ZIM2: variants seen among roughly 807,000 people sequenced by gnomAD.
ZIM2 encodes the protein zinc finger imprinted 2.
Under a neutral mutation model 38.6 loss-of-function variants are expected in ZIM2, and 14 were observed. That is an observed-to-expected ratio of 0.36 (90% CI 0.24 to 0.57). The LOEUF (loss-of-function observed/expected upper bound fraction) is 0.57, where lower values mean the gene tolerates loss of function less well. ZIM2 is among the 20% of genes least tolerant of loss of function. ZIM2 has a pLI of 0.81. For missense variants in ZIM2, 680 were observed against 695.1 expected (o/e 0.98, Z 0.24); for synonymous variants, 247 against 245.8 (o/e 1.00, Z -0.04).
rs555345667 is a variant in ZIM2, at chr19:56,797,060, C to T, written c.491-7109G>A. On this transcript the variant is annotated intron_variant, in intron 9 of 12. Coordinates refer to ENST00000629319, the MANE Select transcript of ZIM2 (RefSeq NM_001387356.1). ...GGCTTGGTGGTTCACACCTGTAATCCCAGCACTTTGGGAGGCTGAGGCAGG... is the reference window on the plus strand; with the variant it reads ...GGCTTGGTGGTTCACACCTGTAATCTCAGCACTTTGGGAGGCTGAGGCAGG... Among the ~76,000 whole-genome samples, 276 of 151,526 alleles carry T rather than the reference C, an allele frequency of 1.8e-3. 2 individuals are homozygous for T. Among genetic ancestry groups the T allele is most frequent in the African/African-American group, 6.1e-3 (252 of 41,282 alleles).
At chr19:56,834,679 T>TA (rs1384893439) in intron 2 of ZIM2, among the ~76,000 whole-genome samples, 1 of 152,196 alleles carries the variant, frequency 6.6e-6, no homozygotes, top group African/African-American at 2.4e-5. Flanking sequence ...TCCACAGGGT[T>TA]AAGCACCATA....
intron 9 of ZIM2, among the ~76,000 whole-genome samples, chr19:56,794,291 C>T (rs1012050488): frequency 4.6e-5 from 7 of 152,164 alleles, no homozygotes; most frequent in African/African-American, 1.7e-4. Flanking sequence ...AGATGTTCTA[C>T]AACAAACCTT....
At position 56,775,191 on chromosome 19, in the gene ZIM2, A is replaced by G. The variant is rs1180261915; in HGVS notation, c.1174T>C (p.Cys392Arg). Reference protein sequence around the residue: ...TGKKPYECKQCAEAFYLMPHL... With the variant: ...TGKKPYECKQRAEAFYLMPHL... ...GGCATGAGATAGAAGGCTTCAGCAC[A>G]CTGTTTACATTCATAGGGTTTCTTC... The change falls in exon 13 of 13, where the codon TGT (cysteine) becomes CGT (arginine). Residue 392 changes from cysteine to arginine, a missense_variant. Cys to Arg is a radical substitution (Grantham distance 180). Coordinates refer to ENST00000629319, the MANE Select transcript of ZIM2 (RefSeq NM_001387356.1). 1.2e-6 allele frequency: 2 copies of G among 1,614,098 alleles called. No individual in the cohort carries two copies. The highest frequency in any genetic ancestry group is 2.2e-5 in the East Asian group (1 of 44,880).
intron 10 of ZIM2, among the ~76,000 whole-genome samples, chr19:56,785,212 CCT>C (rs1486211770): frequency 7.9e-5 from 12 of 152,128 alleles, no homozygotes; most frequent in African/African-American, 2.9e-4. Flanking sequence ...AGGCACTCCC[CCT>C]GTTTCTCATA....
chr19:56,816,175 G>C, intron 9 of ZIM2: 7 of 1,613,974 alleles, frequency 4.3e-6, no homozygotes, highest in Non-Finnish European at 4.2e-6. Context: ...GTTTTCATAG[G>C]GGTTAGAGCT....
chr19:56,824,357 T>C lies in ZIM2; in HGVS notation c.-80A>G. On this transcript the variant is annotated 5_prime_UTR_variant, in exon 4 of 13. Coordinates refer to ENST00000629319, the MANE Select transcript of ZIM2 (RefSeq NM_001387356.1). ...TGCTCGCACCCAAGGCTTGAGCTTTTCAGGGATGATGGTCAGGTACTGCTC... is the reference window on the plus strand; with the variant it reads ...TGCTCGCACCCAAGGCTTGAGCTTTCCAGGGATGATGGTCAGGTACTGCTC... 6.2e-7 allele frequency: 1 copy of C among 1,614,138 alleles called. No homozygotes were observed. The highest frequency in any genetic ancestry group is 1.1e-5 in the South Asian group (1 of 91,080).
intron 9 of ZIM2, among the ~76,000 whole-genome samples, chr19:56,806,544 T>C (rs2047764660): frequency 6.6e-6 from 1 of 152,112 alleles, no homozygotes; most frequent in African/African-American, 2.4e-5. Flanking sequence ...GCTGAGAAAA[T>C]ATTTACTTCT....
chr19:56,792,770 C>T (rs2047007240), intron 9 of ZIM2, among the ~76,000 whole-genome samples: 1 of 152,110 alleles, frequency 6.6e-6, no homozygotes, highest in African/African-American at 2.4e-5. Flanking sequence ...ATCCAATATA[C>T]CCATGTAATA....
intron 10 of ZIM2, among the ~76,000 whole-genome samples, chr19:56,782,728 T>G (rs2046388804): frequency 6.6e-6 from 1 of 152,042 alleles, no homozygotes; most frequent in African/African-American, 2.4e-5. Flanking sequence ...TTTTTAAAAA[T>G]TTTTGTGGGT....
chr19:56,815,629 T>C, intron 9 of ZIM2: 1 of 1,614,146 alleles, frequency 6.2e-7, no homozygotes, highest in Non-Finnish European at 8.5e-7. Flanking sequence ...GTATTTCTTT[T>C]TAGCACGAGC....
chr19:56,812,442 A>G (rs2059602436), intron 9 of ZIM2: 1 of 984,196 alleles, frequency 1.0e-6, no homozygotes, highest in Non-Finnish European at 1.2e-6. Flanking sequence ...AATGCAAGTT[A>G]GACATGGAGT....
intron 10 of ZIM2, among the ~76,000 whole-genome samples, chr19:56,787,729 T>G (rs866610252): frequency 2.6e-4 from 29 of 113,356 alleles, no homozygotes; most frequent in Middle Eastern, 4.5e-3. Flanking sequence ...TTTTTTTTTT[T>G]GGTTGGTAGG....
intron 10 of ZIM2, among the ~76,000 whole-genome samples, chr19:56,787,907 T>C (rs1409012403): frequency 6.6e-6 from 1 of 152,018 alleles, no homozygotes; most frequent in Non-Finnish European, 1.5e-5. Flanking sequence ...TCATGGTAGT[T>C]TGTATTTCTG....
chr19:56,783,827 A>C (rs761529399), intron 10 of ZIM2, among the ~76,000 whole-genome samples: 7 of 152,162 alleles, frequency 4.6e-5, no homozygotes, highest in Non-Finnish European at 1.0e-4. Flanking sequence ...CTGATTCTAA[A>C]ATAAAAGTGA....
intron 9 of ZIM2, among the ~76,000 whole-genome samples, chr19:56,801,821 G>A (rs1464369322): frequency 6.6e-6 from 1 of 152,104 alleles, no homozygotes; most frequent in Non-Finnish European, 1.5e-5. Context: ...TGGCCAATAA[G>A]GTGTCCAACA....
intron 5 of ZIM2, among the ~76,000 whole-genome samples, 188 bp downstream of exon 5, chr19:56,823,402 G>C (rs112247074): frequency 8.1e-4 from 123 of 152,246 alleles, no homozygotes; most frequent in South Asian, 1.2e-3. Flanking sequence ...AGTATTTAAG[G>C]TGTCTGTTTA....
chr19:56,833,966 C>A (rs929110200), intron 2 of ZIM2, among the ~76,000 whole-genome samples: 7 of 152,194 alleles, frequency 4.6e-5, no homozygotes, highest in African/African-American at 1.2e-4. Context: ...GCAGCAAAAT[C>A]TCCTTGTTGT....
At chr19:56,813,578 G>A in intron 9 of ZIM2, 4 of 1,477,966 alleles carry the variant, frequency 2.7e-6, no homozygotes, top group Non-Finnish European at 3.6e-6. Flanking sequence ...CTAAGGTTAA[G>A]TCTCCTACTG....
rs2059920362 is a variant in ZIM2, at chr19:56,815,737, G to A, written c.490+2009C>T. The A allele has an allele frequency of 3.1e-6, 5 of 1,614,086 alleles. No individual in the cohort carries two copies. The Middle Eastern group carries it at 4.9e-4, about 160-fold the overall frequency. On this transcript the variant is annotated intron_variant, in intron 9 of 12. Coordinates refer to ENST00000629319, the MANE Select transcript of ZIM2 (RefSeq NM_001387356.1). ...TCCAGGAACACTTTTCTGAGGTTTG[G>A]CACGGAATACACTCTGTATGACAGA...
Sources: allele counts gnomAD v4.1 joint callset (sites outside exome capture counted in the v4.1 genomes callset), GRCh38; gene constraint gnomAD v4.1.1; transcripts MANE v1.5; gene names NCBI Gene and HGNC (gene_info 2026-07-23, HGNC 2026-07-21).